Variants in DAAM1 observed in about 807,000 individuals in gnomAD.
DAAM1 encodes disheveled-associated activator of morphogenesis 1.
Under a neutral mutation model 130.0 loss-of-function variants are expected in DAAM1, and 52 were observed. The ratio of observed to expected loss-of-function variants is 0.40; its 90% CI spans 0.32 to 0.50. The LOEUF is 0.50. DAAM1 is among the 20% of genes least tolerant of loss of function. DAAM1 has a pLI of 0.61. For missense variants in DAAM1, 1,134 were observed against 1,303.8 expected (o/e 0.87, Z 2.01); for synonymous variants, 452 against 444.5 (o/e 1.02, Z -0.21).
intron 16 of DAAM1, among the ~76,000 whole-genome samples, chr14:59,347,039 C>G (rs1886111606): frequency 6.6e-6 from 1 of 151,460 alleles, no homozygotes; most frequent in African/African-American, 2.4e-5. Context: ...TAAAAAAAAG[C>G]CTTAACTATG....
intron 3 of DAAM1, among the ~76,000 whole-genome samples, chr14:59,296,339 A>G (rs1348553241): frequency 6.6e-6 from 1 of 152,114 alleles, no homozygotes; most frequent in African/African-American, 2.4e-5. Context: ...CTGGTGTTTC[A>G]CTCACCAAAG....
At chr14:59,317,424 T>C (rs1478328442) in intron 4 of DAAM1, among the ~76,000 whole-genome samples, 3 of 152,192 alleles carry the variant, frequency 2.0e-5, no homozygotes, top group African/African-American at 7.2e-5. Flanking sequence ...ATCACTATGA[T>C]GTCTGTACTG....
At chr14:59,299,991 A>T (rs1884108345) in intron 3 of DAAM1, 1 of 152,288 alleles carries the variant, frequency 6.6e-6, no homozygotes, top group Middle Eastern at 3.4e-3. Flanking sequence ...GTCAACACCA[A>T]CTGAAGTCAA....
At position 59,229,200 on chromosome 14, in the gene DAAM1, C is replaced by A. The variant is rs184853015; in HGVS notation, c.-37-34241C>A. 9.9e-5 allele frequency among the ~76,000 whole-genome samples: 15 copies of A among 152,220 alleles called. No homozygotes were observed. In the East Asian group the frequency reaches 2.9e-3, roughly 29 times the overall value. ...TAGTATGTTTTTACCAAAGACACTC[C>A]CACTTTTCATTGAGCGAATGATGCA... is the stretch of plus-strand genomic sequence containing the variant. On this transcript the variant is annotated intron_variant, in intron 1 of 24. Coordinates refer to ENST00000360909, the MANE Select transcript of DAAM1 (RefSeq NM_001270520.2).
chr14:59,226,609 C>T (rs988327999), intron 1 of DAAM1, among the ~76,000 whole-genome samples: 2 of 152,170 alleles, frequency 1.3e-5, no homozygotes, highest in African/African-American at 2.4e-5. Flanking sequence ...AAGTCAATCT[C>T]TGTATGCTAG....
At position 59,331,819 on chromosome 14, in the gene DAAM1, C is replaced by G; in HGVS notation, c.1867C>G (p.Leu623Val). Residue 623 changes from leucine (L) to valine (V), a missense_variant, in exon 15 of 25, where the codon CTG becomes GTG. Physicochemically the swap from Leu to Val is conservative, Grantham distance 32. Coordinates refer to ENST00000360909, the MANE Select transcript of DAAM1 (RefSeq NM_001270520.2). Reference protein sequence around the residue: ...FNWSKLPENKLEGTVWTEIDD... With the variant: ...FNWSKLPENKVEGTVWTEIDD... ...ATTACATTGATGTTTCTAGAACAAACTGGAAGGAACAGTATGGACCGAAAT... is the reference window on the plus strand; with the variant it reads ...ATTACATTGATGTTTCTAGAACAAAGTGGAAGGAACAGTATGGACCGAAAT... The G allele has an allele frequency of 6.2e-7, 1 of 1,612,876 alleles. No homozygotes were observed. The highest frequency in any genetic ancestry group is 1.1e-5 in the South Asian group (1 of 90,768).
At chr14:59,322,194 G>A (rs1885037217) in intron 5 of DAAM1, among the ~76,000 whole-genome samples, 1 of 152,144 alleles carries the variant, frequency 6.6e-6, no homozygotes, top group Non-Finnish European at 1.5e-5. Context: ...TCAGTGATCA[G>A]CACTTAAAAG....
chr14:59,269,088 T>A (rs1882594206), intron 2 of DAAM1, among the ~76,000 whole-genome samples: 1 of 152,234 alleles, frequency 6.6e-6, no homozygotes, highest in Non-Finnish European at 1.5e-5. Context: ...TCTCTGCTAA[T>A]CCTGAGGTAA....
chr14:59,253,836 A>G (rs1452095825), intron 1 of DAAM1, among the ~76,000 whole-genome samples: 1 of 152,258 alleles, frequency 6.6e-6, no homozygotes, highest in Non-Finnish European at 1.5e-5. Flanking sequence ...CCCTCAGCCC[A>G]GAGTACCTCC....
intron 15 of DAAM1, among the ~76,000 whole-genome samples, chr14:59,332,933 A>G (rs1428435211): frequency 6.6e-6 from 1 of 152,096 alleles, no homozygotes; most frequent in Non-Finnish European, 1.5e-5. Flanking sequence ...CAGATGAATC[A>G]TGGGTGGAGC....
rs1186137433 is a variant in DAAM1 at position 59,370,469 on chromosome 14, C to CAT, written c.*1612_*1613dup. The stretch of plus-strand genomic sequence containing the variant: ...ACCAATGTGTGCACTGTACAGGAAT[C>CAT]ATACTATTTAAAAATAATTTGTATA... On this transcript the variant is annotated 3_prime_UTR_variant, in exon 25 of 25. Transcript: ENST00000360909. 6.6e-6 allele frequency: 1 copy of CAT among 152,018 alleles called. No individual in the cohort carries two copies. Among genetic ancestry groups the CAT allele is most frequent in the African/African-American group, 2.4e-5 (1 of 41,414 alleles). 9.4% of individuals were successfully genotyped at this position (152,018 alleles called of 1,614,324 possible).
At chr14:59,322,161 C>T (rs955704013) in intron 5 of DAAM1, among the ~76,000 whole-genome samples, 2 of 152,074 alleles carry the variant, frequency 1.3e-5, no homozygotes, top group Non-Finnish European at 2.9e-5. Flanking sequence ...AAGCTTTTGA[C>T]TTTCATTGAT....
At chr14:59,323,261 C>T in intron 6 of DAAM1, 36 bp downstream of exon 6, 1 of 1,528,706 alleles carries the variant, frequency 6.5e-7, no homozygotes, top group Non-Finnish European at 8.8e-7. Context: ...CTCACCCCTT[C>T]TTTAAAGTCT....
At chr14:59,250,285 T>A (rs2139480239) in intron 1 of DAAM1, among the ~76,000 whole-genome samples, 1 of 152,338 alleles carries the variant, frequency 6.6e-6, no homozygotes, top group South Asian at 2.1e-4. Context: ...AGCTGGTCCC[T>A]GCAACCTTGG....
chr14:59,360,309 T>C (rs35600444), intron 21 of DAAM1, among the ~76,000 whole-genome samples: 3 of 152,074 alleles, frequency 2.0e-5, no homozygotes, highest in Non-Finnish European at 4.4e-5. Context: ...AATACAACTT[T>C]AAGAAAAATC....
At chr14:59,194,161 A>C (rs1887817190) in intron 1 of DAAM1, among the ~76,000 whole-genome samples, 1 of 151,976 alleles carries the variant, frequency 6.6e-6, no homozygotes, top group Admixed American at 6.6e-5. Context: ...ACTTTCCGGC[A>C]CGTTATTCTT....
intron 12 of DAAM1, among the ~76,000 whole-genome samples, chr14:59,327,732 G>A (rs188886855): frequency 1.1e-4 from 16 of 152,180 alleles, no homozygotes; most frequent in African/African-American, 3.6e-4. Context: ...ACCCAATTCT[G>A]TCCATGACCT....
At chr14:59,272,902 C>G (rs1882791468) in intron 2 of DAAM1, among the ~76,000 whole-genome samples, 1 of 152,046 alleles carries the variant, frequency 6.6e-6, no homozygotes, top group Non-Finnish European at 1.5e-5. Flanking sequence ...ATCTCACATC[C>G]AGGACTTGAT....
rs1173970969 is a variant in DAAM1, at chr14:59,369,713, A to T, written c.*854A>T. 2 of 149,796 alleles carry T rather than the reference A, an allele frequency of 1.3e-5. No homozygotes were observed. Among genetic ancestry groups the T allele is most frequent in the Non-Finnish European group, 3.0e-5 (2 of 67,578 alleles). The allele number at this position is 149,796 out of a possible 1,614,324, so 9.3% of individuals were successfully genotyped here. ...TTAAAAATAATAAAATATCTCACCC[A>T]AGACTTAAAGGAAGAATTCTCTGAA... On this transcript the variant is annotated 3_prime_UTR_variant, in exon 25 of 25. Coordinates refer to ENST00000360909, the MANE Select transcript of DAAM1 (RefSeq NM_001270520.2).
Sources: gnomAD v4.1 joint callset for allele counts (sites outside exome capture counted in the v4.1 genomes callset) on GRCh38, gnomAD v4.1.1 for gene constraint, MANE v1.5 for transcripts, NCBI Gene and HGNC (gene_info 2026-07-23, HGNC 2026-07-21) for gene names.